FCRL2: variants seen among roughly 807,000 people sequenced by gnomAD.
FCRL2 encodes the protein Fc receptor-like protein 2.
A neutral mutation model predicts 59.8 loss-of-function variants in FCRL2; 48 were observed. That is an observed-to-expected ratio of 0.80 (90% CI 0.64 to 1.02). FCRL2 has a LOEUF of 1.02. FCRL2 is among the 50% of genes least tolerant of loss of function. FCRL2 has a pLI of 0.00. For missense variants in FCRL2, 658 were observed against 597.3 expected, an observed-to-expected ratio of 1.10 and a Z score of -1.06; for synonymous variants, 251 against 229.5, an observed-to-expected ratio of 1.09 and a Z score of -0.85.
At chr1:157,767,772 T>G in intron 5 of FCRL2, 1 of 1,275,044 alleles carries the variant, frequency 7.8e-7, no homozygotes, top group Non-Finnish European at 1.0e-6. Flanking sequence ...TCCAGCCCTC[T>G]TCATATTTCT....
At chr1:157,751,935 A>G (rs1648221324) in intron 7 of FCRL2, among the ~76,000 whole-genome samples, 1 of 152,216 alleles carries the variant, frequency 6.6e-6, no homozygotes, top group Admixed American at 6.5e-5. Context: ...GCCAGAGGAA[A>G]TCAATGCCAG....
At chr1:157,758,680 C>CAAAAAAAAAAAAAAAAAA (rs59716565) in intron 7 of FCRL2, among the ~76,000 whole-genome samples, 1 of 55,402 alleles carries the variant, frequency 1.8e-5, no homozygotes, top group African/African-American at 6.8e-5. Flanking sequence ...CAGTCCCAAG[C>CAAAAAAAAAAAAAAAAAA]AAAAAAAAAA....
At chr1:157,768,090 C>T (rs1020384988) in intron 5 of FCRL2, 1 of 260,666 alleles carries the variant, frequency 3.8e-6, no homozygotes, top group African/African-American at 2.2e-5. Flanking sequence ...TAAAATGAAG[C>T]AGGCTGTTAC....
At chr1:157,761,281 A>G (rs1378209516) in intron 7 of FCRL2, among the ~76,000 whole-genome samples, 2 of 152,198 alleles carry the variant, frequency 1.3e-5, no homozygotes, top group African/African-American at 4.8e-5. Context: ...AGTGAGCACA[A>G]AAAAACCCAC....
rs200160838 is a variant in FCRL2 at position 157,770,480 on chromosome 1, T to C, written c.239A>G (p.Tyr80Cys). 153 of 1,613,916 alleles carry C rather than the reference T, an allele frequency of 9.5e-5. 1 individual carries two copies. The Middle Eastern group carries it at 9.9e-4, about 10-fold the overall frequency. The change falls in exon 3 of 12, where the codon TAT becomes TGT. Residue 80 changes from tyrosine (Y) to cysteine (C), a missense_variant. Tyr to Cys is a radical substitution (Grantham distance 194). Transcript: ENST00000361516. Reference sequence around the variant, plus strand: ...GAGTTGTCCTTTGGTACTACAGAAATAGTTACCACTGTCACTTAAAACTGC... The same window carrying C: ...GAGTTGTCCTTTGGTACTACAGAAACAGTTACCACTGTCACTTAAAACTGC... ...QSAVLSDSGNYFCSTKGQLFL... is the reference protein window; with the variant it reads ...QSAVLSDSGNCFCSTKGQLFL...
intron 4 of FCRL2, 137 bp from the exon 5 acceptor site, chr1:157,768,838 G>T (rs1649747414): frequency 7.0e-6 from 6 of 854,240 alleles, no homozygotes; most frequent in South Asian, 1.8e-5. Context: ...TCCTATGGAG[G>T]TAGGGAATCT....
At chr1:157,748,516 A>G in intron 10 of FCRL2, 37 bp downstream of exon 10, 1 of 1,467,290 alleles carries the variant, frequency 6.8e-7, no homozygotes, top group Non-Finnish European at 9.5e-7. Context: ...TTTCCTGTGA[A>G]TATGCATCTG....
intron 2 of FCRL2, 107 bp downstream of exon 2, chr1:157,775,668 A>G: frequency 8.1e-7 from 1 of 1,242,072 alleles, no homozygotes; most frequent in Admixed American, 1.9e-5. Flanking sequence ...GGGCAGTAAT[A>G]TTAGGACATC....
At chr1:157,760,489 G>A (rs111352080) in intron 7 of FCRL2, among the ~76,000 whole-genome samples, 1,801 of 151,680 alleles carry the variant, frequency 0.012, 36 homozygotes, top group African/African-American at 0.04. Flanking sequence ...TTAGCTGGGC[G>A]TCATGGCAGG....
intron 2 of FCRL2, 53 bp downstream of exon 2, chr1:157,775,722 T>C (rs2101776220): frequency 1.2e-6 from 2 of 1,601,910 alleles, no homozygotes; most frequent in Non-Finnish European, 1.7e-6. Context: ...CCTGGGGTAG[T>C]GGGGTGACTG....
In FCRL2 at chr1:157,746,389, C is replaced by A. The variant is rs1647749480; in HGVS notation, c.*347G>T. The A allele has an allele frequency of 3.8e-6, 1 of 261,170 alleles. No homozygotes were observed. The highest frequency in any genetic ancestry group is 2.2e-5 in the African/African-American group (1 of 45,274). 16.2% of individuals were successfully genotyped at this position (261,170 alleles called of 1,614,324 possible). A position where few individuals can be genotyped will look rare whatever the true frequency, so the allele number is the denominator to read the frequency against. ...AGCAGCACATAAATAAGTTAATACA[C>A]CACTATCAAGTCCTGTTCTCATCAC... On this transcript the variant is annotated 3_prime_UTR_variant, in exon 12 of 12. Coordinates refer to ENST00000361516, the MANE Select transcript of FCRL2 (RefSeq NM_030764.4).
At chr1:157,774,028 T>C (rs1650224045) in intron 2 of FCRL2, among the ~76,000 whole-genome samples, 1 of 152,210 alleles carries the variant, frequency 6.6e-6, no homozygotes, top group Admixed American at 6.5e-5. Flanking sequence ...CAGAGCAAGA[T>C]GTACAGGACT....
Position 157,745,821 on chromosome 1 carries a change from C to G in FCRL2, c.*915G>C, listed in dbSNP as rs991821138. 1 of 152,166 alleles carries G rather than the reference C, an allele frequency of 6.6e-6. No homozygotes were observed. The highest frequency in any genetic ancestry group is 1.5e-5 in the Non-Finnish European group (1 of 68,034). The allele number at this position is 152,166 out of a possible 1,614,324, so 9.4% of individuals were successfully genotyped here. On this transcript the variant is annotated 3_prime_UTR_variant, in exon 12 of 12. Transcript: ENST00000361516. Reference sequence around the variant, plus strand: ...CTCATATTTACTATGTCAAAAATCACATTTTTGCAACTATATGCATACTTT... The same window carrying G: ...CTCATATTTACTATGTCAAAAATCAGATTTTTGCAACTATATGCATACTTT...
chr1:157,771,071 T>C (rs1303992909), intron 2 of FCRL2, among the ~76,000 whole-genome samples: 1 of 152,140 alleles, frequency 6.6e-6, no homozygotes, highest in Non-Finnish European at 1.5e-5. Flanking sequence ...TTAGTCCTAT[T>C]CATGAGGGTT....
At chr1:157,755,258 G>A (rs751857803) in intron 7 of FCRL2, among the ~76,000 whole-genome samples, 1 of 152,046 alleles carries the variant, frequency 6.6e-6, no homozygotes, top group South Asian at 2.1e-4. Context: ...AACGTAAAAC[G>A]ATGAAACTAT....
intron 7 of FCRL2, among the ~76,000 whole-genome samples, chr1:157,763,757 A>G (rs542084736): frequency 5.9e-5 from 9 of 151,276 alleles, no homozygotes; most frequent in Non-Finnish European, 8.9e-5. Flanking sequence ...CAGGCTGGGC[A>G]CGGTGGCTCA....
chr1:157,775,951 C>G (rs757426871), intron 1 of FCRL2, among the ~76,000 whole-genome samples, 156 bp from the exon 2 acceptor site: 1 of 152,176 alleles, frequency 6.6e-6, no homozygotes, highest in Non-Finnish European at 1.5e-5. Flanking sequence ...CAATCTCCCT[C>G]GAGCACACAT....
At chr1:157,770,832 G>A (rs201229154) in intron 2 of FCRL2, among the ~76,000 whole-genome samples, 166 bp from the exon 3 acceptor site, 283 of 152,308 alleles carry the variant, frequency 1.9e-3, no homozygotes, top group South Asian at 3.7e-3. Flanking sequence ...TTCCTGAGGG[G>A]ATATCTTAGC....
Position 157,769,940 on chromosome 1 carries a change from G to T in FCRL2, c.521C>A (p.Ser174Tyr), listed in dbSNP as rs1395434118. ...ISAVWSEDTGSYWCKAETVTH... is the reference protein window; with the variant it reads ...ISAVWSEDTGYYWCKAETVTH... ...CACCGTTTCTGCCTTGCACCAGTAA[G>T]ACCCTGTGTCTTCACTCCACACGGC... Residue 174 changes from serine to tyrosine, a missense_variant, in exon 4 of 12, where the codon TCT becomes TAT. Transcript: ENST00000361516. 6.2e-7 allele frequency: 1 copy of T among 1,614,026 alleles called. No individual in the cohort carries two copies. The highest frequency in any genetic ancestry group is 8.5e-7 in the Non-Finnish European group (1 of 1,180,024).
Sources: allele counts gnomAD v4.1 joint callset (sites outside exome capture counted in the v4.1 genomes callset), GRCh38; gene constraint gnomAD v4.1.1; transcripts MANE v1.5; gene names NCBI Gene and HGNC (gene_info 2026-07-23, HGNC 2026-07-21).